The following TTC39B variants were observed in gnomAD, a reference collection of about 807,000 sequenced individuals.
TTC39B encodes tetratricopeptide repeat domain 39B.
In TTC39B, 92 loss-of-function variants were observed where a neutral mutation model predicts 96.6. The observed-to-expected ratio is 0.95, with a 90% confidence interval of 0.80 to 1.13. The LOEUF is 1.13. Ranked by LOEUF, TTC39B falls within the 50% of genes most tolerant of loss-of-function variation. The pLI is 0.00. For synonymous variants in TTC39B, 367 were observed against 299.4 expected, an observed-to-expected ratio of 1.23 and a Z score of -2.33; for missense variants, 955 against 809.3, an observed-to-expected ratio of 1.18 and a Z score of -2.18.
Position 15,182,281 on chromosome 9 carries a change from C to A in TTC39B, c.1723+26G>T, listed in dbSNP as rs183704417. 6.6e-4 allele frequency: 972 copies of A among 1,474,108 alleles called. 2 individuals carry two copies. Among genetic ancestry groups the A allele is most frequent in the African/African-American group, 6.0e-3 (424 of 70,980 alleles). The allele number at this position is 1,474,108 out of a possible 1,614,324, so 91.3% of individuals were successfully genotyped here. On this transcript the variant is annotated intron_variant, in intron 17 of 19. Transcript: ENST00000512701. Reference sequence around the variant, plus strand: ...CAGTCATGGAGCAGAGACAAAGGCTCCTCGGTGCTTACTGTGTATACTTAC... The same window carrying A: ...CAGTCATGGAGCAGAGACAAAGGCTACTCGGTGCTTACTGTGTATACTTAC...
chr9:15,277,012 C>T lies in TTC39B; in HGVS notation c.241-9064G>A, dbSNP rs114435908. ...AGCCTCTTTTGGATGAGAGAAAAGC[C>T]GGGTGTGGGATATTTACAGCAAATA... On this transcript the variant is annotated intron_variant, in intron 1 of 19. Transcript: ENST00000512701. Among the ~76,000 whole-genome samples the T allele has an allele frequency of 3.1e-3, 469 of 152,274 alleles. 1 individual carries two copies. The highest frequency in any genetic ancestry group is 0.011 in the African/African-American group (437 of 41,546).
At chr9:15,210,345 C>A (rs1820123844) in intron 5 of TTC39B, among the ~76,000 whole-genome samples, 181 bp from the exon 6 acceptor site, 1 of 152,236 alleles carries the variant, frequency 6.6e-6, no homozygotes. Flanking sequence ...GCAGCACTGG[C>A]TAGCCATTTG....
chr9:15,221,609 A>C lies in TTC39B; in HGVS notation c.371+4308T>G, dbSNP rs553350426. ...CATCAGAACTGAGGCCTTGGGTGCC[A>C]GGGGTCTCTGCGTCTAGGCCCTAGA... On this transcript the variant is annotated intron_variant, in intron 3 of 19. Transcript: ENST00000512701. 5.3e-5 allele frequency among the ~76,000 whole-genome samples: 8 copies of C among 152,274 alleles called. No individual in the cohort carries two copies. The East Asian group carries it at 1.5e-3, about 29-fold the overall frequency.
intron 1 of TTC39B, among the ~76,000 whole-genome samples, chr9:15,271,956 C>A (rs1368764755): frequency 6.6e-6 from 1 of 152,166 alleles, no homozygotes; most frequent in South Asian, 2.1e-4. Flanking sequence ...TGGGTACCAG[C>A]AAATACAGTT....
exon 16 of TTC39B, chr9:15,185,331 C>A: frequency 5.0e-6 from 8 of 1,613,856 alleles, no homozygotes; most frequent in Non-Finnish European, 6.8e-6. Context: ...CGGAGTAACG[C>A]CGAGCCTTCC....
In TTC39B at chr9:15,268,588, C is replaced by G. The variant is rs73646024; in HGVS notation, c.241-640G>C. 9.2e-3 allele frequency among the ~76,000 whole-genome samples: 1,405 copies of G among 152,234 alleles called. 24 individuals are homozygous for G. Among genetic ancestry groups the G allele is most frequent in the African/African-American group, 0.032 (1,320 of 41,534 alleles). The stretch of plus-strand genomic sequence containing the variant: ...ACATACAAATACACATGCACTCACT[C>G]AAAAACTCACACATTCACAACAGCT... On this transcript the variant is annotated intron_variant, in intron 1 of 19. Coordinates refer to ENST00000512701, the Ensembl canonical transcript of TTC39B.
At chr9:15,279,940 G>A (rs1823695563) in intron 1 of TTC39B, among the ~76,000 whole-genome samples, 1 of 136,418 alleles carries the variant, frequency 7.3e-6, no homozygotes, top group Non-Finnish European at 1.5e-5. Context: ...CTGTCACCCA[G>A]GCTGGGGTGC....
In TTC39B at chr9:15,297,940, A is replaced by G. The variant is rs1824441121; in HGVS notation, c.240+9144T>C. On this transcript the variant is annotated intron_variant, in intron 1 of 19. Coordinates refer to ENST00000512701, the Ensembl canonical transcript of TTC39B. ...GATAGAGAGAACAGGTAAAGATTTT[A>G]TTTATGGGTATGTCTGGGAGAGTGT... Among the ~76,000 whole-genome samples, 3 of 152,146 alleles carry G rather than the reference A, an allele frequency of 2.0e-5. No individual in the cohort carries two copies. The South Asian group carries it at 6.2e-4, about 31-fold the overall frequency.
At chr9:15,254,553 G>A (rs1467804036) in intron 2 of TTC39B, among the ~76,000 whole-genome samples, 3 of 151,766 alleles carry the variant, frequency 2.0e-5, no homozygotes, top group Non-Finnish European at 4.4e-5. Flanking sequence ...ACTTCTATGG[G>A]ATTGTCTGAA....
chr9:15,285,740 A>T (rs772054305), intron 1 of TTC39B, among the ~76,000 whole-genome samples: 6 of 152,078 alleles, frequency 3.9e-5, no homozygotes, highest in Non-Finnish European at 8.8e-5. Context: ...CTGTAGTCCC[A>T]GCTACTCAGG....
chr9:15,237,991 T>G (rs1020977756), intron 2 of TTC39B, among the ~76,000 whole-genome samples: 2 of 151,942 alleles, frequency 1.3e-5, no homozygotes, highest in South Asian at 2.1e-4. Flanking sequence ...CATATGCAAA[T>G]CAATAAACTA....
intron 2 of TTC39B, among the ~76,000 whole-genome samples, chr9:15,248,066 G>T (rs1822364351): frequency 6.6e-6 from 1 of 152,150 alleles, no homozygotes; most frequent in Non-Finnish European, 1.5e-5. Flanking sequence ...TGCTGTTGAA[G>T]ATTTTTTTTA....
At chr9:15,236,496 C>G (rs1821788491) in intron 2 of TTC39B, among the ~76,000 whole-genome samples, 1 of 152,218 alleles carries the variant, frequency 6.6e-6, no homozygotes, top group African/African-American at 2.4e-5. Context: ...ATAGAACATT[C>G]TACTGAACAA....
At chr9:15,203,201 A>G (rs2131316374) in intron 7 of TTC39B, among the ~76,000 whole-genome samples, 1 of 152,332 alleles carries the variant, frequency 6.6e-6, no homozygotes, top group African/African-American at 2.4e-5. Flanking sequence ...CGGTTTCCAC[A>G]CAGATGCATC....
chr9:15,280,530 G>C (rs934059773), intron 1 of TTC39B, among the ~76,000 whole-genome samples: 1 of 152,200 alleles, frequency 6.6e-6, no homozygotes, highest in African/African-American at 2.4e-5. Context: ...ATTCAAGGGA[G>C]AAATAACACT....
At chr9:15,194,448 T>A (rs1159376279) in intron 8 of TTC39B, among the ~76,000 whole-genome samples, 1 of 152,204 alleles carries the variant, frequency 6.6e-6, no homozygotes, top group Admixed American at 6.5e-5. Flanking sequence ...CAGGTAAGTA[T>A]GTGCGTGTGT....
At position 15,250,088 on chromosome 9, in the gene TTC39B, G is replaced by A. The variant is rs1332330690; in HGVS notation, c.275+17826C>T. On this transcript the variant is annotated intron_variant, in intron 2 of 19. Transcript: ENST00000512701. ...TATTTTATTCCTTGGTCTCCAGTGA[G>A]ACTCTCAATTCTCAGGCACAAGCAA... is the stretch of plus-strand genomic sequence containing the variant. The A allele has an allele frequency of 3.1e-6, 4 of 1,275,332 alleles. No individual in the cohort carries two copies. In the East Asian group the frequency reaches 2.2e-4, roughly 71 times the overall value. The allele number at this position is 1,275,332 out of a possible 1,614,324, so 79.0% of individuals were successfully genotyped here. A position where few individuals can be genotyped will look rare whatever the true frequency, so the allele number is the denominator to read the frequency against.
chr9:15,181,483 A>C (rs1054241702), intron 17 of TTC39B, among the ~76,000 whole-genome samples: 2 of 152,180 alleles, frequency 1.3e-5, no homozygotes, highest in East Asian at 3.8e-4. Flanking sequence ...CTCCCACTTC[A>C]CGAGAAAACA....
At chr9:15,227,168 A>G (rs959056051) in intron 2 of TTC39B, among the ~76,000 whole-genome samples, 2 of 152,014 alleles carry the variant, frequency 1.3e-5, no homozygotes, top group Non-Finnish European at 2.9e-5. Context: ...TTAGCCAGGT[A>G]TCGTGGCGCA....
Sources: allele counts gnomAD v4.1 joint callset (sites outside exome capture counted in the v4.1 genomes callset), GRCh38; gene constraint gnomAD v4.1.1; transcripts MANE v1.5; gene names NCBI Gene and HGNC (gene_info 2026-07-23, HGNC 2026-07-21).